The following UNC5D variants were observed in gnomAD, a reference collection of about 807,000 sequenced individuals.
UNC5D encodes unc-5 netrin receptor D, also known as netrin receptor UNC5D.
A neutral mutation model predicts 105.4 loss-of-function variants in UNC5D; 39 were observed. That is an observed-to-expected ratio of 0.37 (90% CI 0.29 to 0.48). The LOEUF (loss-of-function observed/expected upper bound fraction) is 0.48. Among genes scored for constraint, UNC5D ranks in the 20% least tolerant of loss-of-function variants. The pLI, the probability that UNC5D is intolerant of heterozygous loss-of-function variation, is 0.98. For missense variants in UNC5D, 991 were observed against 1,202.4 expected (o/e 0.82, Z 2.60); for synonymous variants, 452 against 450.4 (o/e 1.00, Z -0.04).
chr8:35,553,595 T>C (rs1386505765), intron 2 of UNC5D, among the ~76,000 whole-genome samples: 1 of 152,206 alleles, frequency 6.6e-6, no homozygotes, highest in Non-Finnish European at 1.5e-5. Flanking sequence ...AGTTTTCTTC[T>C]GTGTAGTTAA....
rs187521216 is a variant in UNC5D at position 35,601,917 on chromosome 8, T to C, written c.570+6260T>C. 9.3e-3 allele frequency among the ~76,000 whole-genome samples: 1,418 copies of C among 152,314 alleles called. 33 individuals carry two copies. The highest frequency in any genetic ancestry group is 0.033 in the African/African-American group (1,371 of 41,548). ...GCTTCCAGTTTTTGTCCATTCAGTG[T>C]GATATTGGCTGTGGGTTCCTCATAG... is the stretch of plus-strand genomic sequence containing the variant. On this transcript the variant is annotated intron_variant, in intron 4 of 16. Coordinates refer to ENST00000404895, the MANE Select transcript of UNC5D (RefSeq NM_080872.4).
chr8:35,410,008 C>CTCATCACCCA (rs1563390070), intron 1 of UNC5D, among the ~76,000 whole-genome samples: 13 of 77,390 alleles, frequency 1.7e-4, no homozygotes, highest in Admixed American at 1.3e-4. Context: ...GAATTTCCTT[C>CTCATCACCCA]GCATGGCCTC....
intron 2 of UNC5D, among the ~76,000 whole-genome samples, chr8:35,555,541 T>G (rs2130722731): frequency 6.6e-6 from 1 of 152,188 alleles, no homozygotes; most frequent in African/African-American, 2.4e-5. Flanking sequence ...AAAATACAAA[T>G]TATAGGCAGG....
chr8:35,706,075 C>A, intron 8 of UNC5D, 114 bp downstream of exon 8: 1 of 638,222 alleles, frequency 1.6e-6, no homozygotes, highest in Non-Finnish European at 2.5e-6. Context: ...CCAGGGCTTT[C>A]GAGGCCTCTC....
intron 1 of UNC5D, among the ~76,000 whole-genome samples, chr8:35,355,504 CT>C (rs1801503729): frequency 6.6e-6 from 1 of 152,080 alleles, no homozygotes; most frequent in Non-Finnish European, 1.5e-5. Flanking sequence ...CCATAGAAGC[CT>C]TTTGAAAGTA....
intron 6 of UNC5D, 147 bp downstream of exon 6, chr8:35,684,896 T>G (rs746908204): frequency 4.9e-5 from 53 of 1,077,762 alleles, no homozygotes; most frequent in Non-Finnish European, 6.4e-5. Context: ...AATGTAAAGC[T>G]CATTGTCATG....
intron 1 of UNC5D, chr8:35,544,309 C>T: frequency 5.7e-6 from 8 of 1,415,260 alleles, no homozygotes; most frequent in Non-Finnish European, 7.5e-6. Flanking sequence ...GCTTGGAGTG[C>T]TGGCTTTGTG....
chr8:35,679,394 TG>T, intron 4 of UNC5D, among the ~76,000 whole-genome samples: 1 of 152,124 alleles, frequency 6.6e-6, no homozygotes, highest in South Asian at 2.1e-4. Flanking sequence ...AAATGCAAAG[TG>T]GGATTGAGCC....
chr8:35,341,761 A>G (rs1811471168), intron 1 of UNC5D, among the ~76,000 whole-genome samples: 1 of 152,094 alleles, frequency 6.6e-6, no homozygotes, highest in African/African-American at 2.4e-5. Flanking sequence ...TAATAGTGAA[A>G]CATGCAGCAA....
At chr8:35,651,605 C>T (rs1301670490) in intron 4 of UNC5D, among the ~76,000 whole-genome samples, 4 of 152,158 alleles carry the variant, frequency 2.6e-5, no homozygotes, top group Non-Finnish European at 5.9e-5. Flanking sequence ...TGGGTGAATT[C>T]GTGCTCCTGC....
chr8:35,622,114 C>A (rs189301930), intron 4 of UNC5D, among the ~76,000 whole-genome samples: 7 of 152,026 alleles, frequency 4.6e-5, no homozygotes, highest in Admixed American at 3.9e-4. Flanking sequence ...GAGGCCAAGG[C>A]GGGTAGATCA....
At chr8:35,356,391 A>G (rs897969972) in intron 1 of UNC5D, among the ~76,000 whole-genome samples, 1 of 152,096 alleles carries the variant, frequency 6.6e-6, no homozygotes, top group African/African-American at 2.4e-5. Context: ...CTGGGCATCC[A>G]ACTGGGTAGT....
chr8:35,693,994 G>A (rs998874172), intron 7 of UNC5D, among the ~76,000 whole-genome samples: 5 of 152,044 alleles, frequency 3.3e-5, no homozygotes, highest in Admixed American at 1.3e-4. Flanking sequence ...CTTAGAGAGC[G>A]AGGAAAAAAA....
intron 1 of UNC5D, among the ~76,000 whole-genome samples, chr8:35,545,528 C>G (rs1286164741): frequency 6.6e-6 from 1 of 152,054 alleles, no homozygotes; most frequent in African/African-American, 2.4e-5. Flanking sequence ...CAGCCACCTA[C>G]TGGGCAGGGC....
intron 2 of UNC5D, among the ~76,000 whole-genome samples, chr8:35,554,800 C>A (rs1331982169): frequency 6.6e-6 from 1 of 152,006 alleles, no homozygotes; most frequent in Non-Finnish European, 1.5e-5. Flanking sequence ...AATGTGTATT[C>A]CAATGTGTTA....
chr8:35,591,281 A>T (rs1819157015), intron 3 of UNC5D, among the ~76,000 whole-genome samples: 1 of 152,166 alleles, frequency 6.6e-6, no homozygotes, highest in Non-Finnish European at 1.5e-5. Flanking sequence ...ATAAAAAAGA[A>T]TTTGATTAAG....
chr8:35,693,210 A>C (rs1391909111), intron 7 of UNC5D, among the ~76,000 whole-genome samples: 1 of 152,158 alleles, frequency 6.6e-6, no homozygotes, highest in African/African-American at 2.4e-5. Flanking sequence ...TTTTTTTTAC[A>C]AAGCTAAAAC....
intron 16 of UNC5D, among the ~76,000 whole-genome samples, chr8:35,788,215 A>G (rs2131805904): frequency 6.6e-6 from 1 of 151,968 alleles, no homozygotes; most frequent in Middle Eastern, 3.4e-3. Flanking sequence ...GCGTGCATGC[A>G]TCTGTGGCTC....
chr8:35,753,284 T>G (rs1830370471), intron 13 of UNC5D, among the ~76,000 whole-genome samples: 1 of 152,194 alleles, frequency 6.6e-6, no homozygotes, highest in Non-Finnish European at 1.5e-5. Context: ...TTTTTTGTTT[T>G]TTGAGATGGA....
Sources: gnomAD v4.1 joint callset for allele counts (sites outside exome capture counted in the v4.1 genomes callset) on GRCh38, gnomAD v4.1.1 for gene constraint, MANE v1.5 for transcripts, NCBI Gene and HGNC (gene_info 2026-07-23, HGNC 2026-07-21) for gene names.